Variants in GRIK1 observed in about 807,000 individuals in gnomAD.
The protein encoded by GRIK1 is glutamate ionotropic receptor kainate type subunit 1.
GRIK1 carries 69 observed loss-of-function variants against 105.7 expected under a neutral mutation model. The ratio of observed to expected loss-of-function variants is 0.65; its 90% confidence interval spans 0.54 to 0.80. GRIK1 has a LOEUF of 0.80. Ranked by LOEUF, GRIK1 falls within the 30% of genes least tolerant of loss-of-function variation. GRIK1 has a pLI of 0.00. For missense variants in GRIK1, 1,109 were observed against 1,167.3 expected (o/e 0.95, Z 0.73); for synonymous variants, 438 against 431.3 (o/e 1.02, Z -0.19).
chr21:29,589,937 C>T (rs1298859644), intron 10 of GRIK1, among the ~76,000 whole-genome samples: 2 of 152,022 alleles, frequency 1.3e-5, no homozygotes, highest in African/African-American at 4.8e-5. Context: ...TCATCTTTCC[C>T]ATTTTCTTTT....
At chr21:29,750,081 C>T (rs750017311) in intron 1 of GRIK1, among the ~76,000 whole-genome samples, 18 of 151,762 alleles carry the variant, frequency 1.2e-4, no homozygotes, top group African/African-American at 4.1e-4. Flanking sequence ...TTAATGATGG[C>T]ATTTCATATA....
intron 1 of GRIK1, among the ~76,000 whole-genome samples, chr21:29,880,727 T>C (rs2069376403): frequency 6.6e-6 from 1 of 152,170 alleles, no homozygotes; most frequent in African/African-American, 2.4e-5. Context: ...CCTAATTTAA[T>C]GCTGATTTGT....
intron 1 of GRIK1, among the ~76,000 whole-genome samples, chr21:29,930,171 A>G (rs2071518623): frequency 1.3e-5 from 2 of 152,188 alleles, no homozygotes; most frequent in African/African-American, 4.8e-5. Flanking sequence ...CCTAAGAACA[A>G]AAGGAACAGC....
At chr21:29,896,327 C>A (rs1012279532) in intron 1 of GRIK1, among the ~76,000 whole-genome samples, 1 of 152,160 alleles carries the variant, frequency 6.6e-6, no homozygotes, top group African/African-American at 2.4e-5. Context: ...ATTTCAGTAT[C>A]ACACTGCAAT....
At chr21:29,831,641 C>T (rs186887442) in intron 1 of GRIK1, among the ~76,000 whole-genome samples, 3 of 152,184 alleles carry the variant, frequency 2.0e-5, no homozygotes, top group Admixed American at 2.0e-4. Flanking sequence ...TGAGAACTTA[C>T]TATGATAGGA....
chr21:29,817,074 A>T (rs1159498853), intron 1 of GRIK1, among the ~76,000 whole-genome samples: 1 of 152,110 alleles, frequency 6.6e-6, no homozygotes, highest in Non-Finnish European at 1.5e-5. Flanking sequence ...TTACGTATCA[A>T]TAAAAAAATG....
At chr21:29,852,364 A>C (rs2068334796) in intron 1 of GRIK1, among the ~76,000 whole-genome samples, 1 of 152,184 alleles carries the variant, frequency 6.6e-6, no homozygotes, top group Non-Finnish European at 1.5e-5. Flanking sequence ...CCTACCAAGA[A>C]GGCCCCCTAC....
chr21:29,888,983 C>A (rs1351038063), intron 1 of GRIK1, among the ~76,000 whole-genome samples: 1 of 152,084 alleles, frequency 6.6e-6, no homozygotes, highest in East Asian at 1.9e-4. Context: ...TCTTCTGCAC[C>A]AAATCTGTTA....
At chr21:29,781,826 G>T (rs561238994) in intron 1 of GRIK1, among the ~76,000 whole-genome samples, 6 of 144,458 alleles carry the variant, frequency 4.2e-5, no homozygotes, top group African/African-American at 1.3e-4. Context: ...GCCCGCCACC[G>T]CGCCCGGCTA....
rs185854355 is a variant in GRIK1 at position 29,916,696 on chromosome 21, T to C, written c.118+22687A>G. The stretch of plus-strand genomic sequence containing the variant: ...ATTCATCTTATTGTGACTAAATCTC[T>C]TGTAAGAACTCTGTCTCCACTTCAG... On this transcript the variant is annotated intron_variant, in intron 1 of 17. Transcript: ENST00000327783. 9.3e-5 allele frequency among the ~76,000 whole-genome samples: 14 copies of C among 151,048 alleles called. 1 individual carries two copies. Among genetic ancestry groups the C allele is most frequent in the African/African-American group, 3.5e-4 (14 of 40,516 alleles).
At chr21:29,690,877 C>T (rs898045979) in intron 2 of GRIK1, among the ~76,000 whole-genome samples, 1 of 152,018 alleles carries the variant, frequency 6.6e-6, no homozygotes, top group African/African-American at 2.4e-5. Flanking sequence ...AAATTAGAAT[C>T]ATTATATAAA....
At chr21:29,754,433 A>G (rs763317586) in intron 1 of GRIK1, among the ~76,000 whole-genome samples, 16 of 152,194 alleles carry the variant, frequency 1.1e-4, no homozygotes, top group Non-Finnish European at 2.4e-4. Flanking sequence ...GAGCCAAATA[A>G]TCACGTGTTC....
rs561587330 is a variant in GRIK1, at chr21:29,798,846, G to A, written c.119-104783C>T. On this transcript the variant is annotated intron_variant, in intron 1 of 17. Coordinates refer to ENST00000327783, the MANE Select transcript of GRIK1 (RefSeq NM_001330994.2). The stretch of plus-strand genomic sequence containing the variant: ...GGTTAAAAATGACACTATATAGTCC[G>A]AAGACATCACCTGGCTGGCTTGCTT... Among the ~76,000 whole-genome samples the A allele has an allele frequency of 4.6e-5, 7 of 152,252 alleles. No homozygotes were observed. In the South Asian group the frequency reaches 6.2e-4, roughly 14 times the overall value.
chr21:29,597,737 AC>A (rs2061443331), intron 8 of GRIK1: 3 of 359,152 alleles, frequency 8.4e-6, no homozygotes, highest in Non-Finnish European at 1.8e-5. Context: ...AAAACTGCAA[AC>A]AAATTATTTT....
At chr21:29,685,732 G>A (rs569761736) in intron 3 of GRIK1, among the ~76,000 whole-genome samples, 1 of 152,266 alleles carries the variant, frequency 6.6e-6, no homozygotes, top group Admixed American at 6.5e-5. Flanking sequence ...ACCTTGGCAT[G>A]CTGACTACTT....
chr21:29,728,163 A>G (rs1447482561), intron 1 of GRIK1, among the ~76,000 whole-genome samples: 1 of 152,232 alleles, frequency 6.6e-6, no homozygotes, highest in Non-Finnish European at 1.5e-5. Flanking sequence ...GTTGTCATAT[A>G]AAATTAACCA....
chr21:29,737,175 G>A (rs959530652), intron 1 of GRIK1, among the ~76,000 whole-genome samples: 1 of 152,168 alleles, frequency 6.6e-6, no homozygotes, highest in Admixed American at 6.5e-5. Context: ...AGTGTGGCCT[G>A]TAAGACCTTG....
chr21:29,852,285 G>A (rs1035324291), intron 1 of GRIK1, among the ~76,000 whole-genome samples: 4 of 152,034 alleles, frequency 2.6e-5, no homozygotes, highest in South Asian at 2.1e-4. Context: ...CTTTCCTTGC[G>A]CTTAAATGCA....
At chr21:29,550,870 AT>A (rs1365018746) in intron 16 of GRIK1, among the ~76,000 whole-genome samples, 1 of 152,228 alleles carries the variant, frequency 6.6e-6, no homozygotes, top group Non-Finnish European at 1.5e-5. Context: ...CCATGATTTT[AT>A]TTAATTATCA....
Sources: gnomAD v4.1 joint callset for allele counts (sites outside exome capture counted in the v4.1 genomes callset) on GRCh38, gnomAD v4.1.1 for gene constraint, MANE v1.5 for transcripts, NCBI Gene and HGNC (gene_info 2026-07-23, HGNC 2026-07-21) for gene names.